Variants in SYN3 observed in about 807,000 individuals in gnomAD.
SYN3 encodes synapsin-3.
In SYN3, 35 loss-of-function variants were observed where a neutral mutation model predicts 65.8. The observed-to-expected ratio is 0.53, with a 90% confidence interval of 0.41 to 0.70. The LOEUF (loss-of-function observed/expected upper bound fraction) is 0.70, where lower values mean the gene tolerates loss of function less well. SYN3 is among the 30% of genes least tolerant of loss of function. SYN3 has a pLI of 0.00. For missense variants in SYN3, 680 were observed against 749.0 expected, an observed-to-expected ratio of 0.91 and a Z score of 1.08; for synonymous variants, 270 against 292.9, an observed-to-expected ratio of 0.92 and a Z score of 0.80.
intron 2 of SYN3, among the ~76,000 whole-genome samples, chr22:32,999,514 C>T (rs1457864230): frequency 6.6e-6 from 1 of 152,056 alleles, no homozygotes; most frequent in African/African-American, 2.4e-5. Flanking sequence ...ATGAAACCGT[C>T]TCTACTAAAA....
intron 1 of SYN3, among the ~76,000 whole-genome samples, chr22:33,013,907 C>T (rs1238676431): frequency 6.6e-6 from 1 of 151,800 alleles, no homozygotes; most frequent in Non-Finnish European, 1.5e-5. Context: ...ATTTTCCCCT[C>T]CTTTTTTTTT....
chr22:33,025,956 C>G (rs953474137), intron 1 of SYN3, among the ~76,000 whole-genome samples: 2 of 152,166 alleles, frequency 1.3e-5, no homozygotes, highest in Non-Finnish European at 1.5e-5. Flanking sequence ...CATGTTTCTA[C>G]TTGCCCTCTT....
At chr22:33,002,479 TA>T (rs1460238181) in intron 2 of SYN3, among the ~76,000 whole-genome samples, 1 of 151,734 alleles carries the variant, frequency 6.6e-6, no homozygotes, top group Non-Finnish European at 1.5e-5. Flanking sequence ...CTGTCTACAG[TA>T]AAAATACAAA....
chr22:32,528,063 T>C, intron 11 of SYN3, 58 bp from the exon 12 acceptor site: 1 of 1,312,178 alleles, frequency 7.6e-7, no homozygotes, highest in Non-Finnish European at 1.0e-6. Flanking sequence ...ACTTCCTGGG[T>C]GAGAGGGCAG....
intron 6 of SYN3, among the ~76,000 whole-genome samples, chr22:32,750,121 G>A (rs1380019812): frequency 6.6e-6 from 1 of 152,214 alleles, no homozygotes; most frequent in East Asian, 1.9e-4. Flanking sequence ...CGATGTGGTT[G>A]GAGACAGGCA....
intron 6 of SYN3, among the ~76,000 whole-genome samples, chr22:32,846,428 G>T (rs1351735048): frequency 6.6e-6 from 1 of 152,186 alleles, no homozygotes; most frequent in Non-Finnish European, 1.5e-5. Context: ...TATGCCCTAA[G>T]ATGGAATAAA....
intron 6 of SYN3, among the ~76,000 whole-genome samples, chr22:32,775,465 A>G (rs2045885883): frequency 1.3e-5 from 2 of 152,188 alleles, no homozygotes; most frequent in Admixed American, 1.3e-4. Context: ...CCCATAGCAG[A>G]TAACTGTCGA....
At chr22:32,618,943 A>C (rs2059557685) in intron 6 of SYN3, among the ~76,000 whole-genome samples, 1 of 152,186 alleles carries the variant, frequency 6.6e-6, no homozygotes, top group Non-Finnish European at 1.5e-5. Flanking sequence ...CAGTTTACCC[A>C]CTGGTAAAAT....
At chr22:32,748,551 G>A (rs2145638021) in intron 6 of SYN3, among the ~76,000 whole-genome samples, 1 of 152,358 alleles carries the variant, frequency 6.6e-6, no homozygotes, top group South Asian at 2.1e-4. Flanking sequence ...TTGGAGTGGA[G>A]CATGGGAGAA....
intron 6 of SYN3, among the ~76,000 whole-genome samples, chr22:32,707,231 A>G (rs1355571919): frequency 6.6e-6 from 1 of 152,200 alleles, no homozygotes; most frequent in African/African-American, 2.4e-5. Flanking sequence ...AGCTTAGAGG[A>G]TACATGAGCG....
intron 4 of SYN3, among the ~76,000 whole-genome samples, chr22:32,881,694 A>C (rs1019979898): frequency 6.6e-6 from 1 of 152,144 alleles, no homozygotes; most frequent in Non-Finnish European, 1.5e-5. Flanking sequence ...GAGGGGCAAG[A>C]GTGGGTGAGC....
chr22:32,846,106 G>T (rs2048055438), intron 6 of SYN3, among the ~76,000 whole-genome samples: 1 of 152,152 alleles, frequency 6.6e-6, no homozygotes, highest in Non-Finnish European at 1.5e-5. Context: ...GGAAAACACT[G>T]ATGTGGCCTC....
chr22:32,687,719 C>A (rs1335001790), intron 6 of SYN3, among the ~76,000 whole-genome samples: 1 of 141,110 alleles, frequency 7.1e-6, no homozygotes, highest in African/African-American at 2.7e-5. Context: ...AGTCCTCGAA[C>A]CTGCTGTTTT....
At chr22:33,029,173 CTTTT>C (rs133973) in intron 1 of SYN3, among the ~76,000 whole-genome samples, 6 of 144,034 alleles carry the variant, frequency 4.2e-5, no homozygotes, top group African/African-American at 5.2e-5. Flanking sequence ...CCAAAGATGA[CTTTT>C]TTTTTTTTTT....
chr22:32,584,420 T>C (rs1337371936), intron 7 of SYN3, among the ~76,000 whole-genome samples: 2 of 152,154 alleles, frequency 1.3e-5, no homozygotes, highest in Non-Finnish European at 2.9e-5. Context: ...CACCGGGTGA[T>C]GTGTGCCCCA....
chr22:32,851,942 T>A (rs1348517741), intron 6 of SYN3, among the ~76,000 whole-genome samples: 2 of 152,170 alleles, frequency 1.3e-5, no homozygotes, highest in Non-Finnish European at 2.9e-5. Flanking sequence ...CCATCCATCC[T>A]CTCGTGCTTC....
chr22:32,823,976 A>G (rs2047330271), intron 6 of SYN3, among the ~76,000 whole-genome samples: 1 of 152,154 alleles, frequency 6.6e-6, no homozygotes, highest in Admixed American at 6.5e-5. Flanking sequence ...AAACCCTTAC[A>G]TTCCTGTAAA....
At chr22:32,726,300 G>A (rs190154311) in intron 6 of SYN3, among the ~76,000 whole-genome samples, 54 of 152,218 alleles carry the variant, frequency 3.5e-4, no homozygotes, top group African/African-American at 1.0e-3. Context: ...ACGCCACCAC[G>A]CCCAGCTAAT....
intron 1 of SYN3, among the ~76,000 whole-genome samples, chr22:33,027,976 C>T (rs1601928990): frequency 6.6e-6 from 1 of 152,212 alleles, no homozygotes; most frequent in East Asian, 1.9e-4. Flanking sequence ...CTCTTTGCAT[C>T]TAACAGACGT....
Sources: gnomAD v4.1 joint callset for allele counts (sites outside exome capture counted in the v4.1 genomes callset) on GRCh38, gnomAD v4.1.1 for gene constraint, MANE v1.5 for transcripts, NCBI Gene and HGNC (gene_info 2026-07-23, HGNC 2026-07-21) for gene names.